The following MUC5B variants were observed in gnomAD, a reference collection of about 807,000 sequenced individuals.
MUC5B encodes the protein mucin-5B.
In MUC5B, 116 loss-of-function variants were observed where a neutral mutation model predicts 376.9. The ratio of observed to expected loss-of-function variants is 0.31; its 90% CI spans 0.26 to 0.36. The LOEUF is 0.36. Among genes scored for constraint, MUC5B ranks in the 10% least tolerant of loss-of-function variants. The pLI, the probability that MUC5B is intolerant of heterozygous loss-of-function variation, is 1.00. For synonymous variants in MUC5B, 3,517 were observed against 3,390.9 expected (o/e 1.04, Z -1.29); for missense variants, 7,165 against 7,769.9 (o/e 0.92, Z 2.93).
Position 1,227,736 on chromosome 11 carries a change from G to A in MUC5B, c.729G>A (p.Gln243=). ...NLQKLDGPTE[Q]CPDPLPLPAG... Reference sequence around the variant, plus strand: ...AGAAGTTGGATGGGCCCACGGAGCAGTGCCCGGACCCGCTGCCCTTGCCGG... The same window carrying A: ...AGAAGTTGGATGGGCCCACGGAGCAATGCCCGGACCCGCTGCCCTTGCCGG... The change falls in exon 7 of 49, where the codon CAG becomes CAA. Residue 243 remains glutamine (Q), a synonymous_variant. Coordinates refer to ENST00000529681, the MANE Select transcript of MUC5B (RefSeq NM_002458.3). 3 of 722,496 alleles carry A rather than the reference G, an allele frequency of 4.2e-6. 1 individual carries two copies. The highest frequency in any genetic ancestry group is 5.3e-5 in the East Asian group (2 of 37,598). The allele number at this position is 722,496 out of a possible 1,614,324, so 44.8% of individuals were successfully genotyped here.
In MUC5B at chr11:1,257,265, T is replaced by G. The variant is rs757244797; in HGVS notation, c.16263T>G (p.Pro5421=). 2 of 780,206 alleles carry G rather than the reference T, an allele frequency of 2.6e-6. No homozygotes were observed. The highest frequency in any genetic ancestry group is 2.7e-5 in the South Asian group (2 of 74,636). 48.3% of individuals were successfully genotyped at this position (780,206 alleles called of 1,614,324 possible). The change falls in exon 40 of 49, where the codon CCT becomes CCG. Residue 5421 remains proline (P), a synonymous_variant. Coordinates refer to ENST00000529681, the MANE Select transcript of MUC5B (RefSeq NM_002458.3). This position sits in a 1 kb window ranked among gnomAD's most constrained non-coding sequence, Gnocchi z 8.9. ...ACPCVGPDGF[P]KFPGERWVSN... ...CCTGCGTGGGACCCGATGGGTTTCCTAAATTTGTGAGTGGCTCCACCCCCA... is the reference window on the plus strand; with the variant it reads ...CCTGCGTGGGACCCGATGGGTTTCCGAAATTTGTGAGTGGCTCCACCCCCA...
At chr11:1,238,815 C>T (rs1862210580) in intron 25 of MUC5B, 56 bp from the exon 26 acceptor site, 3 of 1,525,706 alleles carry the variant, frequency 2.0e-6, no homozygotes, top group South Asian at 2.4e-5. Context: ...GGCCAGCCAC[C>T]CCCTGGCCGG....
chr11:1,242,431 C>A lies in MUC5B; in HGVS notation c.5551C>A (p.Leu1851Met), dbSNP rs1190899168. Residue 1851 changes from leucine to methionine, a missense_variant, in exon 31 of 49, where the codon CTG becomes ATG. By Grantham distance (15) the Leu-to-Met change is conservative (BLOSUM62 2). Transcript: ENST00000529681. ...DQVGQVLTCS[L>M]ETGLTCKNED... ...GGTCGGGCAGGTGCTGACCTGCAGC[C>A]TGGAGACGGGGCTGACCTGCAAGAA... 3.1e-6 allele frequency: 5 copies of A among 1,613,688 alleles called. No homozygotes were observed. The African/African-American group carries it at 4.0e-5, about 13-fold the overall frequency.
intron 27 of MUC5B, 74 bp from the exon 28 acceptor site, chr11:1,239,725 C>T (rs1862235624): frequency 1.3e-6 from 2 of 1,520,878 alleles, no homozygotes. Flanking sequence ...GCGGCTACTC[C>T]CTGCAGCATG....
At chr11:1,229,128 C>T (rs1208042176) in intron 8 of MUC5B, 42 bp from the exon 9 acceptor site, 2 of 1,534,542 alleles carry the variant, frequency 1.3e-6, no homozygotes, top group East Asian at 2.4e-5. Flanking sequence ...ACGGGCAGTA[C>T]AGGGCCCTTC....
At chr11:1,225,764 G>A (rs1332532701) in intron 2 of MUC5B, 27 bp downstream of exon 2, 2 of 1,595,244 alleles carry the variant, frequency 1.3e-6, no homozygotes, top group South Asian at 1.1e-5. Context: ...GGGGGTGGGG[G>A]GTTCCTGACC....
chr11:1,246,527 C>T lies in MUC5B; in HGVS notation c.9647C>T (p.Pro3216Leu), dbSNP rs1377576526. ...TCCAGAGCCACTCCCTCCTCCAGTC[C>T]AGGGACTGCAACCGCCCTTCCAGCA... Reference protein sequence around the residue: ...ISSRATPSSSPGTATALPALR... With the variant: ...ISSRATPSSSLGTATALPALR... Residue 3216 changes from proline (P) to leucine (L), a missense_variant, in exon 31 of 49, where the codon CCA (proline) becomes CTA (leucine). Physicochemically the swap from Pro to Leu is moderately conservative, Grantham distance 98. Around this residue, in one of 31 missense-constraint regions of MUC5B, gnomAD observed 939 missense variants for 770.6 expected, o/e 1.22. Coordinates refer to ENST00000529681, the MANE Select transcript of MUC5B (RefSeq NM_002458.3). 1.2e-6 allele frequency: 2 copies of T among 1,613,326 alleles called. No individual in the cohort carries two copies. Among genetic ancestry groups the T allele is most frequent in the Non-Finnish European group, 1.7e-6 (2 of 1,179,606 alleles).
Position 1,261,696 on chromosome 11 carries a change from G to A in MUC5B, c.*88G>A. The stretch of plus-strand genomic sequence containing the variant: ...ATGAAAACCTTGGGCCTCCTCTGCG[G>A]AGCCCCCCGGCCTGTGTGTGGCACC... On this transcript the variant is annotated 3_prime_UTR_variant, in exon 49 of 49. Coordinates refer to ENST00000529681, the MANE Select transcript of MUC5B (RefSeq NM_002458.3). 2 of 1,320,490 alleles carry A rather than the reference G, an allele frequency of 1.5e-6. No individual in the cohort carries two copies. Among genetic ancestry groups the A allele is most frequent in the Non-Finnish European group, 2.1e-6 (2 of 947,478 alleles). 81.8% of individuals were successfully genotyped at this position (1,320,490 alleles called of 1,614,324 possible).
In MUC5B at chr11:1,248,373, C is replaced by T. The variant is rs570092661; in HGVS notation, c.11493C>T (p.Ala3831=). 1 of 1,612,950 alleles carries T rather than the reference C, an allele frequency of 6.2e-7. No individual in the cohort carries two copies. The highest frequency in any genetic ancestry group is 8.5e-7 in the Non-Finnish European group (1 of 1,179,538). ...TATPSSTPET[A]HTSTVLTTTA... ...CACCCTCCTCCACTCCAGAGACTGC[C>T]CACACCTCCACAGTGCTTACCACCA... The change falls in exon 31 of 49, where the codon GCC becomes GCT. Residue 3831 remains alanine, a synonymous_variant. Transcript: ENST00000529681.
chr11:1,239,187 G>C, intron 26 of MUC5B, 160 bp downstream of exon 26: 1 of 994,988 alleles, frequency 1.0e-6, no homozygotes, highest in Non-Finnish European at 1.5e-6. Context: ...ATGCACAGAG[G>C]AAGACCTGTG....
At chr11:1,240,498 C>T in intron 30 of MUC5B, 123 bp downstream of exon 30, 1 of 953,706 alleles carries the variant, frequency 1.0e-6, no homozygotes, top group Non-Finnish European at 1.6e-6. Flanking sequence ...CTTCCGGGCT[C>T]TGTCTAGGGG....
At chr11:1,233,762 A>G (rs975852740) in intron 18 of MUC5B, 31 bp from the exon 19 acceptor site, 4 of 1,588,602 alleles carry the variant, frequency 2.5e-6, no homozygotes, top group East Asian at 4.6e-5. Context: ...TGAGGGCCGC[A>G]GATCCAGGCT....
rs531190044 is a variant in MUC5B at position 1,261,811 on chromosome 11, A to C, written c.*203A>C. 5.3e-5 allele frequency: 37 copies of C among 703,784 alleles called. No homozygotes were observed. The East Asian group carries it at 1.0e-3, about 19-fold the overall frequency. 43.6% of individuals were successfully genotyped at this position (703,784 alleles called of 1,614,324 possible). On this transcript the variant is annotated 3_prime_UTR_variant, in exon 49 of 49. Transcript: ENST00000529681. ...GCAGGACCCCTTTCGGGAGGGCGCCACTCAGGAGTCCTACCCTGGGAGAGC... is the reference window on the plus strand; with the variant it reads ...GCAGGACCCCTTTCGGGAGGGCGCCCCTCAGGAGTCCTACCCTGGGAGAGC...
In MUC5B at chr11:1,235,212, A is replaced by G. The variant is rs779401596; in HGVS notation, c.2758A>G (p.Ile920Val). ...CAGCTTTGAAGGCAGCTGCGAGTAC[A>G]TCTTGGCCCAGGTACGCCGCCCCCT... Reference protein sequence around the residue: ...RYSFEGSCEYILAQDYCGDNT... With the variant: ...RYSFEGSCEYVLAQDYCGDNT... Residue 920 changes from isoleucine (I) to valine (V), a missense_variant, in exon 22 of 49, where the codon ATC (isoleucine) becomes GTC (valine). This residue lies in a region of MUC5B where 530 missense variants were observed against 604.0 expected (regional missense o/e 0.88). Transcript: ENST00000529681. 6.2e-7 allele frequency: 1 copy of G among 1,612,582 alleles called. No individual in the cohort carries two copies. Among genetic ancestry groups the G allele is most frequent in the Non-Finnish European group, 8.5e-7 (1 of 1,179,450 alleles).
rs1247602896 is a variant in MUC5B at position 1,226,266 on chromosome 11, C to T, written c.189C>T (p.Pro63=). The change falls in exon 3 of 49, where the codon CCC becomes CCT. Residue 63 remains proline, a synonymous_variant. Coordinates refer to ENST00000529681, the MANE Select transcript of MUC5B (RefSeq NM_002458.3). ...TTGTTCCACCCGTCACTGTCTTCCC[C>T]AGCCTGAGCCGTAAGCAGATGCTGC... is the stretch of plus-strand genomic sequence containing the variant. The part of the protein sequence containing the change: ...VSFVPPVTVF[P]SLSPLNPAHN... The T allele has an allele frequency of 6.4e-7, 1 of 1,555,556 alleles. No homozygotes were observed. Among genetic ancestry groups the T allele is most frequent in the Non-Finnish European group, 8.7e-7 (1 of 1,150,998 alleles).
Position 1,242,421 on chromosome 11 carries a change from G to A in MUC5B, c.5541G>A (p.Leu1847=). The change falls in exon 31 of 49, where the codon CTG becomes CTA. Residue 1847 remains leucine, a synonymous_variant. Transcript: ENST00000529681. ...EVSIDQVGQV[L]TCSLETGLTC... The stretch of plus-strand genomic sequence containing the variant: ...GCATCGACCAGGTCGGGCAGGTGCT[G>A]ACCTGCAGCCTGGAGACGGGGCTGA... 6.2e-7 allele frequency: 1 copy of A among 1,613,850 alleles called. No homozygotes were observed. Among genetic ancestry groups the A allele is most frequent in the Non-Finnish European group, 8.5e-7 (1 of 1,179,828 alleles).
At position 1,244,983 on chromosome 11, in the gene MUC5B, C is replaced by G; in HGVS notation, c.8103C>G (p.Gly2701=). Residue 2701 remains glycine (G), a synonymous_variant, in exon 31 of 49, where the codon GGC becomes GGG. Coordinates refer to ENST00000529681, the MANE Select transcript of MUC5B (RefSeq NM_002458.3). ...CGGCCACTACGATCACGGCCACCGG[C>G]TCCACCACCAACCCCTCCTCAACTC... ...TTTATTITAT[G]STTNPSSTPG... 6.4e-7 allele frequency: 1 copy of G among 1,556,300 alleles called. No individual in the cohort carries two copies. The highest frequency in any genetic ancestry group is 8.7e-7 in the Non-Finnish European group (1 of 1,149,988).
chr11:1,227,559 G>A (rs761351446), intron 6 of MUC5B, 116 bp from the exon 7 acceptor site: 9 of 678,742 alleles, frequency 1.3e-5, no homozygotes, highest in Non-Finnish European at 2.2e-5. Flanking sequence ...CCCCTCGGGG[G>A]TGTTGGGCCC....
rs1461667232 is a variant in MUC5B, at chr11:1,232,436, G to A, written c.1844-14G>A. ...GGGGCAGGGCGTGGAGATGAGGTCA[G>A]GTCTTCCCCACAGAGAACTACGCCC... On this transcript the variant is annotated splice_polypyrimidine_tract_variant and intron_variant, in intron 15 of 48. Coordinates refer to ENST00000529681, the MANE Select transcript of MUC5B (RefSeq NM_002458.3). The A allele has an allele frequency of 1.9e-6, 3 of 1,595,582 alleles. No individual in the cohort carries two copies. Among genetic ancestry groups the A allele is most frequent in the Non-Finnish European group, 8.5e-7 (1 of 1,172,392 alleles).
Sources: gnomAD v4.1 joint callset for allele counts on GRCh38, gnomAD v4.1.1 for gene constraint, gnomAD v4.1.1 regional missense constraint, Gnocchi (gnomAD v3.1) non-coding constraint, MANE v1.5 for transcripts, NCBI Gene and HGNC (gene_info 2026-07-23, HGNC 2026-07-21) for gene names.